Variants in ZSWIM5 observed in about 807,000 individuals in gnomAD.
The protein encoded by ZSWIM5 is zinc finger SWIM-type containing 5.
In ZSWIM5, 55 loss-of-function variants were observed where a neutral mutation model predicts 119.6. The ratio of observed to expected loss-of-function variants is 0.46; its 90% confidence interval spans 0.37 to 0.58. The LOEUF is 0.58. Ranked by LOEUF, ZSWIM5 falls within the 20% of genes least tolerant of loss-of-function variation. The probability of loss-of-function intolerance (pLI) is 0.00; values close to 1 mark genes in which losing one functional copy is unlikely to be tolerated. For missense variants in ZSWIM5, 1,193 were observed against 1,512.8 expected (o/e 0.79, Z 3.51); for synonymous variants, 537 against 606.9 (o/e 0.88, Z 1.69).
chr1:45,185,459 A>G (rs1038910704), intron 1 of ZSWIM5, among the ~76,000 whole-genome samples: 6 of 152,054 alleles, frequency 3.9e-5, no homozygotes, highest in African/African-American at 1.4e-4. Flanking sequence ...CAGAGTGAAC[A>G]GGCAACCTAC....
chr1:45,083,216 T>C (rs1224716304), intron 2 of ZSWIM5, among the ~76,000 whole-genome samples: 2 of 152,196 alleles, frequency 1.3e-5, no homozygotes. Flanking sequence ...TTTTTGCTAG[T>C]GAGCAAGAGT....
At chr1:45,075,836 T>A (rs1275893149) in intron 2 of ZSWIM5, among the ~76,000 whole-genome samples, 1 of 151,914 alleles carries the variant, frequency 6.6e-6, no homozygotes, top group Non-Finnish European at 1.5e-5. Flanking sequence ...TCTGGTGATA[T>A]GATTTAGTTT....
intron 1 of ZSWIM5, among the ~76,000 whole-genome samples, chr1:45,203,701 A>T (rs988163073): frequency 2.0e-5 from 3 of 152,032 alleles, no homozygotes; most frequent in African/African-American, 7.2e-5. Context: ...AGTTTAGGAG[A>T]TGGGGGATGA....
intron 11 of ZSWIM5, among the ~76,000 whole-genome samples, chr1:45,021,990 C>A (rs563772017): frequency 6.9e-6 from 1 of 145,450 alleles, no homozygotes; most frequent in East Asian, 2.1e-4. Context: ...CCACTGCACT[C>A]CAGCCTGGGT....
chr1:45,071,759 G>A (rs1398120691), intron 2 of ZSWIM5, among the ~76,000 whole-genome samples: 2 of 152,020 alleles, frequency 1.3e-5, no homozygotes, highest in African/African-American at 4.8e-5. Context: ...GCACCCAGCT[G>A]ATCTCATTCT....
At chr1:45,181,434 T>A (rs1646018180) in intron 1 of ZSWIM5, among the ~76,000 whole-genome samples, 1 of 151,780 alleles carries the variant, frequency 6.6e-6, no homozygotes, top group South Asian at 2.1e-4. Context: ...TGGGACTATG[T>A]GAAAAGACCA....
chr1:45,044,475 G>A (rs925767036), intron 5 of ZSWIM5, among the ~76,000 whole-genome samples: 1 of 150,970 alleles, frequency 6.6e-6, no homozygotes, highest in Non-Finnish European at 1.5e-5. Context: ...TGTAATCCCA[G>A]AGCTTTGGGA....
intron 1 of ZSWIM5, among the ~76,000 whole-genome samples, chr1:45,167,814 T>C (rs1645917088): frequency 6.6e-6 from 1 of 152,074 alleles, no homozygotes; most frequent in African/African-American, 2.4e-5. Context: ...TCATTAGAAG[T>C]CAGGAAACAA....
chr1:45,193,850 C>T (rs1646105919), intron 1 of ZSWIM5, among the ~76,000 whole-genome samples: 1 of 151,702 alleles, frequency 6.6e-6, no homozygotes, highest in African/African-American at 2.4e-5. Context: ...ATCATTTTGC[C>T]CTTTTACAGT....
intron 11 of ZSWIM5, among the ~76,000 whole-genome samples, chr1:45,030,231 A>T (rs1644944682): frequency 6.6e-6 from 1 of 151,946 alleles, no homozygotes; most frequent in Non-Finnish European, 1.5e-5. Context: ...GGTGTGAGTC[A>T]CTTTGGCCTT....
chr1:45,084,352 G>A (rs1645312278), intron 2 of ZSWIM5, among the ~76,000 whole-genome samples: 1 of 152,084 alleles, frequency 6.6e-6, no homozygotes, highest in South Asian at 2.1e-4. Flanking sequence ...TATGAGATTT[G>A]GGTGGGGACA....
At position 45,198,075 on chromosome 1, in the gene ZSWIM5, GGACA is replaced by G. The variant is rs1277575821; in HGVS notation, c.595+7677_595+7680del. The stretch of plus-strand genomic sequence containing the variant: ...TTCATCTTGTTTGTGCTCTAATCGA[GGACA>G]GACAATTACAGCAGAAACAACAGAC... On this transcript the variant is annotated intron_variant, in intron 1 of 13. Transcript: ENST00000359600. Among the ~76,000 whole-genome samples, 7 of 152,284 alleles carry G rather than the reference GGACA, an allele frequency of 4.6e-5. No individual in the cohort carries two copies. In the East Asian group the frequency reaches 1.2e-3, roughly 25 times the overall value.
rs770512562 is a variant in ZSWIM5 at position 45,020,782 on chromosome 1, G to T, written c.2456C>A (p.Thr819Asn). Residue 819 changes from threonine (T) to asparagine (N), a missense_variant, in exon 12 of 14, where the codon ACT becomes AAT. By Grantham distance (65) the Thr-to-Asn change is moderately conservative. Around this residue, in one of 2 missense-constraint regions of ZSWIM5, gnomAD observed 961 missense variants for 1,290.0 expected, o/e 0.74. Transcript: ENST00000359600. ...STMLTAAKGD[T>N]LRLRTILEAI... ...TTCCAGAATTGTTCGGAGTCTCAAA[G>T]TGTCTCCTATAGGTGTCAAGAGAAG... 6.2e-7 allele frequency: 1 copy of T among 1,614,058 alleles called. No homozygotes were observed. Among genetic ancestry groups the T allele is most frequent in the South Asian group, 1.1e-5 (1 of 91,062 alleles).
intron 4 of ZSWIM5, among the ~76,000 whole-genome samples, chr1:45,054,349 G>A (rs911201263): frequency 2.6e-5 from 4 of 152,172 alleles, no homozygotes; most frequent in Non-Finnish European, 4.4e-5. Context: ...TTGGGAGGCC[G>A]AGGCAGGTGG....
intron 1 of ZSWIM5, among the ~76,000 whole-genome samples, chr1:45,191,079 T>C (rs1423946845): frequency 2.6e-5 from 4 of 151,890 alleles, no homozygotes; most frequent in Non-Finnish European, 4.4e-5. Context: ...CCCGAGTAGC[T>C]GGGACTACAG....
At chr1:45,189,972 C>G (rs1646081448) in intron 1 of ZSWIM5, among the ~76,000 whole-genome samples, 1 of 152,086 alleles carries the variant, frequency 6.6e-6, no homozygotes, top group Non-Finnish European at 1.5e-5. Flanking sequence ...TGAACAAACG[C>G]AGTGGGCAAG....
intron 1 of ZSWIM5, among the ~76,000 whole-genome samples, chr1:45,172,827 T>A (rs888485540): frequency 5.9e-5 from 9 of 152,220 alleles, no homozygotes; most frequent in African/African-American, 2.2e-4. Flanking sequence ...AAATCATTCT[T>A]AAAATCACTC....
At chr1:45,139,298 A>G (rs1482652736) in intron 1 of ZSWIM5, among the ~76,000 whole-genome samples, 1 of 151,584 alleles carries the variant, frequency 6.6e-6, no homozygotes, top group Non-Finnish European at 1.5e-5. Flanking sequence ...TTCCCACCTC[A>G]GCCTCCTTAC....
At chr1:45,166,570 C>G (rs1002368633) in intron 1 of ZSWIM5, among the ~76,000 whole-genome samples, 1 of 152,064 alleles carries the variant, frequency 6.6e-6, no homozygotes, top group Non-Finnish European at 1.5e-5. Context: ...ATTTAGAACA[C>G]CCCATCATCT....
Sources: gnomAD v4.1 joint callset for allele counts (sites outside exome capture counted in the v4.1 genomes callset) on GRCh38, gnomAD v4.1.1 for gene constraint, gnomAD v4.1.1 regional missense constraint, MANE v1.5 for transcripts, NCBI Gene and HGNC (gene_info 2026-07-23, HGNC 2026-07-21) for gene names.